The following PHTF2 variants were observed in gnomAD, a reference collection of about 807,000 sequenced individuals.
PHTF2 encodes protein PHTF2.
PHTF2 carries 60 observed loss-of-function variants against 101.2 expected under a neutral mutation model. That is an observed-to-expected ratio of 0.59 (90% confidence interval 0.48 to 0.73). PHTF2 has a LOEUF of 0.73. PHTF2 is among the 30% of genes least tolerant of loss of function. PHTF2 has a pLI of 0.00. For synonymous variants in PHTF2, 311 were observed against 307.3 expected (o/e 1.01, Z -0.13); for missense variants, 747 against 908.7 (o/e 0.82, Z 2.29).
intron 15 of PHTF2, 79 bp downstream of exon 14, chr7:77,940,738 G>A (rs1805575309): frequency 1.0e-6 from 1 of 981,338 alleles, no homozygotes; most frequent in South Asian, 2.1e-5. Flanking sequence ...ATATATATTT[G>A]TCTCTAGATG....
intron 3 of PHTF2, among the ~76,000 whole-genome samples, chr7:77,886,431 C>T (rs917751638): frequency 2.6e-5 from 4 of 152,136 alleles, no homozygotes; most frequent in Non-Finnish European, 4.4e-5. Context: ...TTTTTCTCTA[C>T]CTACCAATCC....
chr7:77,929,025 A>G, intron 11 of PHTF2, 84 bp from the exon 11 acceptor site: 1 of 928,642 alleles, frequency 1.1e-6, no homozygotes, highest in Non-Finnish European at 1.6e-6. Flanking sequence ...AGCAAAAAGT[A>G]TCAATATATG....
chr7:77,910,147 TC>T (rs1277493246), intron 8 of PHTF2, 97 bp from the exon 8 acceptor site: 22 of 849,914 alleles, frequency 2.6e-5, no homozygotes, highest in Non-Finnish European at 3.6e-5. Flanking sequence ...TAAGTAAAGT[TC>T]CTGTGTTTAT....
rs560681055 is a variant in PHTF2 at position 77,902,685 on chromosome 7, G to A, written c.445+765G>A. 2.0e-5 allele frequency among the ~76,000 whole-genome samples: 3 copies of A among 151,554 alleles called. No individual in the cohort carries two copies. The South Asian group carries it at 6.3e-4, about 32-fold the overall frequency. On this transcript the variant is annotated intron_variant, in intron 7 of 19. Coordinates refer to ENST00000416283, the Ensembl canonical transcript of PHTF2. ...TGAACAAAGCCGTTATTTTCATTTG[G>A]TTCATGTCCTTTCAGTCTTTTTAAT...
intron 1 of PHTF2, among the ~76,000 whole-genome samples, chr7:77,829,217 A>AT (rs1794904713): frequency 6.6e-6 from 1 of 152,156 alleles, no homozygotes; most frequent in Non-Finnish European, 1.5e-5. Flanking sequence ...ATTCACTTAG[A>AT]TTTTGTAACA....
At chr7:77,853,942 G>A (rs1796967997) in intron 2 of PHTF2, among the ~76,000 whole-genome samples, 1 of 152,108 alleles carries the variant, frequency 6.6e-6, no homozygotes, top group Non-Finnish European at 1.5e-5. Flanking sequence ...GGTCACTGGT[G>A]CCTTATTTAG....
chr7:77,807,815 G>A (rs1195628217), intron 1 of PHTF2, among the ~76,000 whole-genome samples: 1 of 152,076 alleles, frequency 6.6e-6, no homozygotes, highest in Non-Finnish European at 1.5e-5. Context: ...TTTCTTCTAG[G>A]ACTTTTTTAG....
chr7:77,894,885 A>G (rs1441147885), intron 5 of PHTF2, among the ~76,000 whole-genome samples: 1 of 152,122 alleles, frequency 6.6e-6, no homozygotes, highest in African/African-American at 2.4e-5. Context: ...GTTTGATTTG[A>G]TAATAGGTTG....
chr7:77,931,297 G>T (rs948060004), intron 12 of PHTF2, among the ~76,000 whole-genome samples: 1 of 152,138 alleles, frequency 6.6e-6, no homozygotes, highest in African/African-American at 2.4e-5. Flanking sequence ...AACTTTGGGC[G>T]TGTTAAAAGA....
chr7:77,926,362 G>T (rs1804001186), intron 11 of PHTF2, among the ~76,000 whole-genome samples: 1 of 152,028 alleles, frequency 6.6e-6, no homozygotes, highest in South Asian at 2.1e-4. Context: ...AGTGATTTTT[G>T]TCCTCTTTTT....
chr7:77,927,891 A>G (rs1344753946), intron 11 of PHTF2, among the ~76,000 whole-genome samples: 2 of 152,236 alleles, frequency 1.3e-5, no homozygotes, highest in African/African-American at 4.8e-5. Context: ...GACAAGGTCA[A>G]AAAGTAGCAC....
At chr7:77,903,888 A>G (rs189196776) in intron 7 of PHTF2, among the ~76,000 whole-genome samples, 2 of 152,220 alleles carry the variant, frequency 1.3e-5, no homozygotes, top group African/African-American at 4.8e-5. Context: ...AGGCAGAAAG[A>G]ATCAAATGCA....
chr7:77,879,757 AG>A lies in PHTF2; in HGVS notation c.148-13850del, dbSNP rs1799253410. On this transcript the variant is annotated intron_variant, in intron 3 of 19. Coordinates refer to ENST00000416283, the Ensembl canonical transcript of PHTF2. ...TTGTTAAAATATCTCTTTAGCTGAA[AG>A]TTTCTCTTATGTATCTTATAGGAAA... Among the ~76,000 whole-genome samples, 5 of 152,266 alleles carry A rather than the reference AG, an allele frequency of 3.3e-5. No individual in the cohort carries two copies. In the South Asian group the frequency reaches 1.0e-3, roughly 32 times the overall value.
chr7:77,873,117 C>T (rs770453614), intron 3 of PHTF2, among the ~76,000 whole-genome samples: 8 of 152,020 alleles, frequency 5.3e-5, no homozygotes, highest in African/African-American at 1.2e-4. Context: ...TTAGTAGAGA[C>T]GGGGTTTCAC....
At chr7:77,903,765 T>C (rs549829573) in intron 7 of PHTF2, among the ~76,000 whole-genome samples, 12 of 152,216 alleles carry the variant, frequency 7.9e-5, no homozygotes, top group Non-Finnish European at 1.5e-4. Context: ...CTCGGCAGGC[T>C]GCCATTACCT....
At chr7:77,955,940 C>T (rs913054255) in exon 20 of PHTF2, 2 of 152,426 alleles carry the variant, frequency 1.3e-5, no homozygotes, top group Admixed American at 6.5e-5. Context: ...GTGCATTCTC[C>T]CCACCCCACC....
rs542249190 is a variant in PHTF2, at chr7:77,921,311, G to GTC, written c.963+847_963+848insCT. ...AAAATAGAGAGACTCTGGTTTTATT[G>GTC]TAACAAAGCTTAATGTGATGTCTTC... On this transcript the variant is annotated intron_variant, in intron 10 of 19. Coordinates refer to ENST00000416283, the Ensembl canonical transcript of PHTF2. Among the ~76,000 whole-genome samples, 62 of 152,210 alleles carry GTC rather than the reference G, an allele frequency of 4.1e-4. No homozygotes were observed. The East Asian group carries it at 9.6e-3, about 24-fold the overall frequency.
intron 3 of PHTF2, among the ~76,000 whole-genome samples, chr7:77,855,654 G>C (rs1172693380): frequency 6.6e-6 from 1 of 152,184 alleles, no homozygotes; most frequent in African/African-American, 2.4e-5. Flanking sequence ...CGCAGTTTCT[G>C]ACTGCTTGGC....
intron 9 of PHTF2, among the ~76,000 whole-genome samples, chr7:77,916,152 TTC>T (rs1322763297): frequency 6.6e-6 from 1 of 152,238 alleles, no homozygotes; most frequent in Non-Finnish European, 1.5e-5. Flanking sequence ...TTATCTTGCA[TTC>T]TGTTTATTTT....
Sources: allele counts gnomAD v4.1 joint callset (sites outside exome capture counted in the v4.1 genomes callset), GRCh38; gene constraint gnomAD v4.1.1; transcripts MANE v1.5; gene names NCBI Gene and HGNC (gene_info 2026-07-23, HGNC 2026-07-21).